Variants in SNTG2 observed in about 807,000 individuals in gnomAD.
SNTG2 encodes gamma-2-syntrophin.
In SNTG2, 74 loss-of-function variants were observed where a neutral mutation model predicts 70.9. The ratio of observed to expected loss-of-function variants is 1.04; its 90% CI spans 0.86 to 1.27. The LOEUF is 1.27. Ranked by LOEUF, SNTG2 falls within the 50% of genes most tolerant of loss-of-function variation. The pLI is 0.00. For missense variants in SNTG2, 717 were observed against 690.7 expected (o/e 1.04, Z -0.43); for synonymous variants, 278 against 273.8 (o/e 1.02, Z -0.15).
chr2:1,311,801 T>C (rs1339281978), intron 15 of SNTG2, among the ~76,000 whole-genome samples: 1 of 152,240 alleles, frequency 6.6e-6, no homozygotes, highest in African/African-American at 2.4e-5. Context: ...ACCATGCTTA[T>C]ATTCACAAGA....
intron 9 of SNTG2, among the ~76,000 whole-genome samples, chr2:1,210,001 A>G (rs887755853): frequency 6.6e-6 from 1 of 152,028 alleles, no homozygotes; most frequent in African/African-American, 2.4e-5. Context: ...GGTCTGTATG[A>G]ATGTGTGTGG....
At chr2:1,334,767 A>G (rs985524544) in intron 16 of SNTG2, among the ~76,000 whole-genome samples, 3 of 151,662 alleles carry the variant, frequency 2.0e-5, no homozygotes, top group African/African-American at 2.4e-5. Flanking sequence ...CAAATGATAC[A>G]ATGGGCTTTG....
At chr2:983,500 G>T (rs1255681558) in intron 1 of SNTG2, among the ~76,000 whole-genome samples, 1 of 152,194 alleles carries the variant, frequency 6.6e-6, no homozygotes, top group Non-Finnish European at 1.5e-5. Context: ...CCTCCTGCAT[G>T]ACTTTCAGGG....
Position 1,266,829 on chromosome 2 carries a change from C to G in SNTG2, c.1078-536C>G, listed in dbSNP as rs1178246794. On this transcript the variant is annotated intron_variant, in intron 13 of 16. Transcript: ENST00000308624. ...GCATTGGTGGTGTGATCTTGGCTTTCTGTAACCTCGGGCTTCTGGGCTCAA... is the reference window on the plus strand; with the variant it reads ...GCATTGGTGGTGTGATCTTGGCTTTGTGTAACCTCGGGCTTCTGGGCTCAA... Among the ~76,000 whole-genome samples, 8 of 136,874 alleles carry G rather than the reference C, an allele frequency of 5.8e-5. No homozygotes were observed. In the South Asian group the frequency reaches 1.9e-3, roughly 33 times the overall value. The allele number at this position is 136,874 out of a possible 152,430, so 89.8% of individuals were successfully genotyped here. A position where few individuals can be genotyped will look rare whatever the true frequency, so the allele number is the denominator to read the frequency against.
intron 14 of SNTG2, among the ~76,000 whole-genome samples, chr2:1,290,970 G>T (rs1218711614): frequency 1.3e-5 from 2 of 152,098 alleles, no homozygotes; most frequent in African/African-American, 4.8e-5. Context: ...GTACACAAGG[G>T]TTCTAATTTC....
At chr2:1,271,091 CT>C (rs1414675109) in intron 14 of SNTG2, among the ~76,000 whole-genome samples, 11 of 152,158 alleles carry the variant, frequency 7.2e-5, no homozygotes, top group African/African-American at 2.7e-4. Context: ...AAGTCCTTGA[CT>C]GCCTTATCAA....
At chr2:1,306,412 A>C (rs145303202) in intron 14 of SNTG2, among the ~76,000 whole-genome samples, 1 of 152,194 alleles carries the variant, frequency 6.6e-6, no homozygotes, top group Admixed American at 6.5e-5. Flanking sequence ...ACAATCTCTA[A>C]GGAAAGGTTG....
At chr2:1,284,327 G>A (rs1173533897) in intron 14 of SNTG2, among the ~76,000 whole-genome samples, 2 of 152,088 alleles carry the variant, frequency 1.3e-5, no homozygotes, top group African/African-American at 4.8e-5. Flanking sequence ...CCAACTTTTA[G>A]CTGTTCAGAT....
intron 1 of SNTG2, among the ~76,000 whole-genome samples, chr2:1,072,332 C>CTTTTTTT (rs1242829771): frequency 5.0e-5 from 5 of 100,396 alleles, no homozygotes; most frequent in Non-Finnish European, 7.8e-5. Context: ...TTTTCTTTTT[C>CTTTTTTT]TTTTCTTTTT....
At chr2:963,306 G>C (rs1164455076) in intron 1 of SNTG2, among the ~76,000 whole-genome samples, 1 of 151,752 alleles carries the variant, frequency 6.6e-6, no homozygotes, top group African/African-American at 2.4e-5. Context: ...CATTAAAGTA[G>C]ACAGAAAAAA....
chr2:1,201,851 G>T (rs898683450), intron 8 of SNTG2, among the ~76,000 whole-genome samples: 2 of 152,052 alleles, frequency 1.3e-5, no homozygotes, highest in South Asian at 2.1e-4. Context: ...TGGAGTCCCA[G>T]AATGAGAATA....
chr2:1,321,883 T>TG (rs11271629), intron 16 of SNTG2, among the ~76,000 whole-genome samples: 12 of 109,912 alleles, frequency 1.1e-4, no homozygotes, highest in South Asian at 3.4e-4. Flanking sequence ...CCTCCTTCCT[T>TG]CCTTCCTTTC....
chr2:1,163,394 C>T (rs1461791482), intron 6 of SNTG2: 1 of 149,556 alleles, frequency 6.7e-6, no homozygotes, highest in Non-Finnish European at 1.5e-5. Flanking sequence ...TGAAGCATCC[C>T]AGTAGGAAGC....
chr2:1,259,284 C>T lies in SNTG2; in HGVS notation c.1006-86C>T, dbSNP rs115269446. 2.9e-3 allele frequency: 3,184 copies of T among 1,112,246 alleles called. 44 individuals carry two copies. The African/African-American group carries it at 0.038, about 13-fold the overall frequency. 68.9% of individuals were successfully genotyped at this position (1,112,246 alleles called of 1,614,324 possible). ...TTAGGATTTAATTGAGGTGGACACA[C>T]ATGCAGTCACACTATTGTAAATTTT... On this transcript the variant is annotated intron_variant, in intron 12 of 16. Coordinates refer to ENST00000308624, the MANE Select transcript of SNTG2 (RefSeq NM_018968.4).
chr2:1,176,776 A>G (rs899542090), intron 8 of SNTG2, among the ~76,000 whole-genome samples: 81 of 152,288 alleles, frequency 5.3e-4, no homozygotes, highest in African/African-American at 1.9e-3. Context: ...AATGCAAATC[A>G]AAACCACAAT....
At chr2:1,357,621 T>C (rs534981521) in intron 16 of SNTG2, among the ~76,000 whole-genome samples, 2 of 152,302 alleles carry the variant, frequency 1.3e-5, no homozygotes, top group Non-Finnish European at 2.9e-5. Context: ...TTTGGTAGAA[T>C]TCCCCAGTGG....
At chr2:972,504 A>C (rs1406859221) in intron 1 of SNTG2, among the ~76,000 whole-genome samples, 6 of 152,242 alleles carry the variant, frequency 3.9e-5, no homozygotes, top group African/African-American at 1.4e-4. Context: ...CAGGAGTTAC[A>C]GATGATGTGT....
intron 6 of SNTG2, among the ~76,000 whole-genome samples, chr2:1,144,163 C>G (rs1572554903): frequency 1.3e-5 from 2 of 152,086 alleles, no homozygotes; most frequent in East Asian, 3.9e-4. Context: ...AACTCTCACC[C>G]CGAGACATAT....
At chr2:1,312,124 AT>A (rs1420870010) in intron 15 of SNTG2, among the ~76,000 whole-genome samples, 1 of 152,204 alleles carries the variant, frequency 6.6e-6, no homozygotes, top group Non-Finnish European at 1.5e-5. Context: ...AGGAAAAAAA[AT>A]GTGTTTGACC....
Sources: allele counts gnomAD v4.1 joint callset (sites outside exome capture counted in the v4.1 genomes callset), GRCh38; gene constraint gnomAD v4.1.1; transcripts MANE v1.5; gene names NCBI Gene and HGNC (gene_info 2026-07-23, HGNC 2026-07-21).